Variants in ASB18 observed in about 807,000 individuals in gnomAD.
The protein encoded by ASB18 is ankyrin repeat and SOCS box protein 18.
In ASB18, 33 loss-of-function variants were observed where a neutral mutation model predicts 33.4. That is an observed-to-expected ratio of 0.99 (90% CI 0.75 to 1.32). ASB18 has a LOEUF of 1.32. Among genes scored for constraint, ASB18 ranks in the 40% most tolerant of loss-of-function variants. ASB18 has a pLI of 0.00. For synonymous variants in ASB18, 295 were observed against 307.6 expected (o/e 0.96, Z 0.43); for missense variants, 694 against 655.5 (o/e 1.06, Z -0.64).
chr2:236,240,345 C>T (rs188816842), intron 2 of ASB18, among the ~76,000 whole-genome samples: 18 of 152,306 alleles, frequency 1.2e-4, no homozygotes, highest in African/African-American at 3.6e-4. Flanking sequence ...CTCTTCTCCC[C>T]GTGTGAGGTA....
At position 236,241,487 on chromosome 2, in the gene ASB18, G is replaced by A. The variant is rs1191395065; in HGVS notation, c.206-85C>T. 2.7e-5 allele frequency: 41 copies of A among 1,534,754 alleles called. No homozygotes were observed. The highest frequency in any genetic ancestry group is 3.7e-5 in the Non-Finnish European group (41 of 1,118,528). On this transcript the variant is annotated intron_variant, in intron 1 of 5. Coordinates refer to ENST00000409749, the MANE Select transcript of ASB18 (RefSeq NM_212556.4). This position sits in a 1 kb window ranked among gnomAD's most constrained non-coding sequence, Gnocchi z 4.2. ...TTCTCTGTCTTTTGAAATATTTGAA[G>A]TTTTCCTCTCACTGGCCCTGGCTGT...
In ASB18 at chr2:236,241,532, C is replaced by A; in HGVS notation, c.206-130G>T. On this transcript the variant is annotated intron_variant, in intron 1 of 5. Transcript: ENST00000409749. The surrounding 1 kb of genome is among the most constrained non-coding windows in gnomAD (Gnocchi z 4.2). ...GGCTGTCTCTCCATTGAGATGCCGT[C>A]GATTTCAGAAGAGTTCTTCAGGAAC... is the stretch of plus-strand genomic sequence containing the variant. 1 of 1,023,690 alleles carries A rather than the reference C, an allele frequency of 9.8e-7. No homozygotes were observed. The highest frequency in any genetic ancestry group is 1.5e-6 in the Non-Finnish European group (1 of 671,014). The allele number at this position is 1,023,690 out of a possible 1,614,324, so 63.4% of individuals were successfully genotyped here. A position where few individuals can be genotyped will look rare whatever the true frequency, so the allele number is the denominator to read the frequency against.
intron 4 of ASB18, among the ~76,000 whole-genome samples, chr2:236,197,026 T>A (rs1304476940): frequency 6.7e-6 from 1 of 150,208 alleles, no homozygotes; most frequent in African/African-American, 2.5e-5. Context: ...TGAACCTTCA[T>A]ACAAAAAAGT....
At position 236,214,875 on chromosome 2, in the gene ASB18, A is replaced by G. The variant is rs1469112753; in HGVS notation, c.597-9T>C. 2 of 1,209,624 alleles carry G rather than the reference A, an allele frequency of 1.7e-6. No individual in the cohort carries two copies. Among genetic ancestry groups the G allele is most frequent in the Non-Finnish European group, 2.1e-6 (2 of 973,480 alleles). 74.9% of individuals were successfully genotyped at this position (1,209,624 alleles called of 1,614,324 possible). On this transcript the variant is annotated splice_polypyrimidine_tract_variant and intron_variant, in intron 3 of 5. Coordinates refer to ENST00000409749, the MANE Select transcript of ASB18 (RefSeq NM_212556.4). The surrounding 1 kb of genome is among the most constrained non-coding windows in gnomAD (Gnocchi z 6.5). ...GCAGCGCCTGCGCGCACCTGTGGGA[A>G]GCCAGGGCCTGTCACTCGGGCGCCA...
Position 236,241,514 on chromosome 2 carries a change from T to C in ASB18, c.206-112A>G. On this transcript the variant is annotated intron_variant, in intron 1 of 5. Transcript: ENST00000409749. The surrounding 1 kb of genome is among the most constrained non-coding windows in gnomAD (Gnocchi z 4.2). ...TTTCCTCTCACTGGCCCTGGCTGTC[T>C]CTCCATTGAGATGCCGTCGATTTCA... 1 of 1,314,246 alleles carries C rather than the reference T, an allele frequency of 7.6e-7. No homozygotes were observed. The highest frequency in any genetic ancestry group is 1.1e-6 in the Non-Finnish European group (1 of 929,094). 81.4% of individuals were successfully genotyped at this position (1,314,246 alleles called of 1,614,324 possible). A position where few individuals can be genotyped will look rare whatever the true frequency, so the allele number is the denominator to read the frequency against.
At chr2:236,199,284 C>T (rs548281340) in intron 4 of ASB18, among the ~76,000 whole-genome samples, 18 of 151,788 alleles carry the variant, frequency 1.2e-4, no homozygotes, top group Non-Finnish European at 1.9e-4. Flanking sequence ...TGATGGTGCA[C>T]GCGTGTAATC....
chr2:236,203,477 C>T lies in ASB18; in HGVS notation c.1102-7092G>A, dbSNP rs2106264312. ...AAACAGGAGAGGAAAGCAGGGAAGACCATGGAGTCCATTATCTGCCTGAGA... is the reference window on the plus strand; with the variant it reads ...AAACAGGAGAGGAAAGCAGGGAAGATCATGGAGTCCATTATCTGCCTGAGA... On this transcript the variant is annotated intron_variant, in intron 4 of 5. Coordinates refer to ENST00000409749, the MANE Select transcript of ASB18 (RefSeq NM_212556.4). The surrounding 1 kb of genome is among the most constrained non-coding windows in gnomAD (Gnocchi z 6.0). Among the ~76,000 whole-genome samples, 1 of 152,194 alleles carries T rather than the reference C, an allele frequency of 6.6e-6. No homozygotes were observed.
chr2:236,229,485 T>G lies in ASB18; in HGVS notation c.596+8204A>C, dbSNP rs1237834250. Among the ~76,000 whole-genome samples, 2 of 152,070 alleles carry G rather than the reference T, an allele frequency of 1.3e-5. No individual in the cohort carries two copies. The highest frequency in any genetic ancestry group is 2.9e-5 in the Non-Finnish European group (2 of 68,016). Reference sequence around the variant, plus strand: ...AAATAATTGCCAAAATATTTCCAAATTGGATGAAAAGCATATAAACCCACA... The same window carrying G: ...AAATAATTGCCAAAATATTTCCAAAGTGGATGAAAAGCATATAAACCCACA... On this transcript the variant is annotated intron_variant, in intron 3 of 5. Transcript: ENST00000409749. The surrounding 1 kb of genome is among the most constrained non-coding windows in gnomAD (Gnocchi z 5.2).
At position 236,214,994 on chromosome 2, in the gene ASB18, A is replaced by G; in HGVS notation, c.597-128T>C. The G allele has an allele frequency of 1.7e-6, 1 of 599,662 alleles. No homozygotes were observed. Among genetic ancestry groups the G allele is most frequent in the South Asian group, 8.4e-5 (1 of 11,942 alleles). 37.1% of individuals were successfully genotyped at this position (599,662 alleles called of 1,614,324 possible). A position where few individuals can be genotyped will look rare whatever the true frequency, so the allele number is the denominator to read the frequency against. Reference sequence around the variant, plus strand: ...AGACATGCTCCGCTCTCCCATACCAAGGCGTCAGGAGTTCAAACTAAACTG... The same window carrying G: ...AGACATGCTCCGCTCTCCCATACCAGGGCGTCAGGAGTTCAAACTAAACTG... On this transcript the variant is annotated intron_variant, in intron 3 of 5. Coordinates refer to ENST00000409749, the MANE Select transcript of ASB18 (RefSeq NM_212556.4). This position sits in a 1 kb window ranked among gnomAD's most constrained non-coding sequence, Gnocchi z 6.5.
At position 236,219,023 on chromosome 2, in the gene ASB18, C is replaced by T. The variant is rs1460029068; in HGVS notation, c.597-4157G>A. Reference sequence around the variant, plus strand: ...TAGCTGGGACTATAGCCGAGTGCCCCCATGCTTGGCTAATTTTTTTTTGTT... The same window carrying T: ...TAGCTGGGACTATAGCCGAGTGCCCTCATGCTTGGCTAATTTTTTTTTGTT... On this transcript the variant is annotated intron_variant, in intron 3 of 5. Coordinates refer to ENST00000409749, the MANE Select transcript of ASB18 (RefSeq NM_212556.4). The surrounding 1 kb of genome is among the most constrained non-coding windows in gnomAD (Gnocchi z 6.4). Among the ~76,000 whole-genome samples the T allele has an allele frequency of 1.3e-5, 2 of 151,732 alleles. No individual in the cohort carries two copies. Among genetic ancestry groups the T allele is most frequent in the African/African-American group, 2.4e-5 (1 of 41,300 alleles).
Position 236,259,966 on chromosome 2 carries a change from CT to C in ASB18, c.205+4174del, listed in dbSNP as rs929981451. 1.3e-5 allele frequency among the ~76,000 whole-genome samples: 2 copies of C among 152,192 alleles called. No homozygotes were observed. Among genetic ancestry groups the C allele is most frequent in the Non-Finnish European group, 2.9e-5 (2 of 68,024 alleles). On this transcript the variant is annotated intron_variant, in intron 1 of 5. Transcript: ENST00000409749. The surrounding 1 kb of genome is among the most constrained non-coding windows in gnomAD (Gnocchi z 4.4). The stretch of plus-strand genomic sequence containing the variant: ...TTTCCACCATTGGATGCCACTTTTT[CT>C]CTATGCTTTTTTTTGGTGATGTTGA...
chr2:236,231,058 T>G lies in ASB18; in HGVS notation c.596+6631A>C, dbSNP rs907420875. On this transcript the variant is annotated intron_variant, in intron 3 of 5. Transcript: ENST00000409749. This position sits in a 1 kb window ranked among gnomAD's most constrained non-coding sequence, Gnocchi z 5.5. ...TCTAGCATGGTCCCCCACTGAAGTC[T>G]ATCTTCTGGTGTCCATGCTCTTCTC... Among the ~76,000 whole-genome samples, 2 of 152,208 alleles carry G rather than the reference T, an allele frequency of 1.3e-5. No individual in the cohort carries two copies. Among genetic ancestry groups the G allele is most frequent in the Admixed American group, 1.3e-4 (2 of 15,286 alleles).
chr2:236,225,341 G>A lies in ASB18; in HGVS notation c.597-10475C>T, dbSNP rs1388101923. On this transcript the variant is annotated intron_variant, in intron 3 of 5. Transcript: ENST00000409749. The surrounding 1 kb of genome is among the most constrained non-coding windows in gnomAD (Gnocchi z 5.1). ...TTGCCCAGGCTGGTCTCAAACTCCT[G>A]GGCTCAAGCGATCCTCTAGCCTTGG... 6.6e-6 allele frequency among the ~76,000 whole-genome samples: 1 copy of A among 152,094 alleles called. No individual in the cohort carries two copies. The highest frequency in any genetic ancestry group is 1.5e-5 in the Non-Finnish European group (1 of 68,030).
Position 236,245,337 on chromosome 2 carries a change from G to T in ASB18, c.206-3935C>A, listed in dbSNP as rs1419027836. On this transcript the variant is annotated intron_variant, in intron 1 of 5. Transcript: ENST00000409749. The surrounding 1 kb of genome is among the most constrained non-coding windows in gnomAD (Gnocchi z 4.7). ...TTGATACCCTTGATGTCATTTGCAG[G>T]TGAGGAAACTGGGACTCACAGATTC... Among the ~76,000 whole-genome samples the T allele has an allele frequency of 6.6e-6, 1 of 152,150 alleles. No individual in the cohort carries two copies. The highest frequency in any genetic ancestry group is 6.5e-5 in the Admixed American group (1 of 15,284).
At chr2:236,207,866 T>TA (rs2060442028) in intron 4 of ASB18, among the ~76,000 whole-genome samples, 1 of 151,408 alleles carries the variant, frequency 6.6e-6, no homozygotes, top group African/African-American at 2.4e-5. Context: ...CCTGGAAACT[T>TA]ACGGCCGTGC....
rs1418275842 is a variant in ASB18, at chr2:236,229,600, G to C, written c.596+8089C>G. Among the ~76,000 whole-genome samples the C allele has an allele frequency of 1.3e-5, 2 of 152,168 alleles. No homozygotes were observed. Among genetic ancestry groups the C allele is most frequent in the Non-Finnish European group, 2.9e-5 (2 of 68,038 alleles). ...CTCACACCTCTAATCCCAGCACTTTGAGAGGCCAAGGTGGGCAGATCACCT... is the reference window on the plus strand; with the variant it reads ...CTCACACCTCTAATCCCAGCACTTTCAGAGGCCAAGGTGGGCAGATCACCT... On this transcript the variant is annotated intron_variant, in intron 3 of 5. Transcript: ENST00000409749. The surrounding 1 kb of genome is among the most constrained non-coding windows in gnomAD (Gnocchi z 5.2).
chr2:236,201,258 C>G (rs1413009466), intron 4 of ASB18, among the ~76,000 whole-genome samples: 3 of 152,038 alleles, frequency 2.0e-5, no homozygotes, highest in African/African-American at 7.3e-5. Context: ...CTGAAGCGAA[C>G]CTCCCACCTC....
chr2:236,257,310 G>A lies in ASB18; in HGVS notation c.205+6831C>T, dbSNP rs193020194. On this transcript the variant is annotated intron_variant, in intron 1 of 5. Transcript: ENST00000409749. The surrounding 1 kb of genome is among the most constrained non-coding windows in gnomAD (Gnocchi z 5.5). ...GAAAGGTTTAATTTCATTTTGCTTC[G>A]AGCAGGGTCTCCCTGCCCCCACGCT... is the stretch of plus-strand genomic sequence containing the variant. Among the ~76,000 whole-genome samples, 4 of 152,090 alleles carry A rather than the reference G, an allele frequency of 2.6e-5. No homozygotes were observed. The highest frequency in any genetic ancestry group is 6.6e-5 in the Admixed American group (1 of 15,266).
chr2:236,193,755 C>T lies in ASB18; in HGVS notation c.*1117G>A, dbSNP rs2060358173. On this transcript the variant is annotated 3_prime_UTR_variant, in exon 6 of 6. Transcript: ENST00000409749. This position sits in a 1 kb window ranked among gnomAD's most constrained non-coding sequence, Gnocchi z 5.0. The stretch of plus-strand genomic sequence containing the variant: ...AGGTTGCGGTGAGCCAAGATTGCGC[C>T]AGTCTCAAAACAAACAAACAAACAA... Among the ~76,000 whole-genome samples, 1 of 152,160 alleles carries T rather than the reference C, an allele frequency of 6.6e-6. No individual in the cohort carries two copies. Among genetic ancestry groups the T allele is most frequent in the East Asian group, 1.9e-4 (1 of 5,184 alleles).
Sources: gnomAD v4.1 joint callset for allele counts (sites outside exome capture counted in the v4.1 genomes callset) on GRCh38, gnomAD v4.1.1 for gene constraint, Gnocchi (gnomAD v3.1) non-coding constraint, MANE v1.5 for transcripts, NCBI Gene and HGNC (gene_info 2026-07-23, HGNC 2026-07-21) for gene names.